The following ASIC2 variants were observed in gnomAD, a reference collection of about 807,000 sequenced individuals.
The protein encoded by ASIC2 is acid-sensing ion channel 2.
In ASIC2, 25 loss-of-function variants were observed where a neutral mutation model predicts 57.3. The ratio of observed to expected loss-of-function variants is 0.44; its 90% confidence interval spans 0.32 to 0.61. The LOEUF is 0.61. Ranked by LOEUF, ASIC2 falls within the 20% of genes least tolerant of loss-of-function variation. The pLI is 0.06. For missense variants in ASIC2, 641 were observed against 738.1 expected (o/e 0.87, Z 1.52); for synonymous variants, 319 against 307.5 (o/e 1.04, Z -0.39).
intron 1 of ASIC2, among the ~76,000 whole-genome samples, chr17:33,542,468 G>T (rs1597776000): frequency 2.4e-5 from 3 of 124,906 alleles, no homozygotes; most frequent in Admixed American, 1.7e-4. Flanking sequence ...TCTCATAGTG[G>T]TTTTGATTTG....
chr17:34,030,934 T>G (rs1026422396), intron 1 of ASIC2, among the ~76,000 whole-genome samples: 2 of 152,334 alleles, frequency 1.3e-5, no homozygotes, highest in South Asian at 4.1e-4. Context: ...CACCTCTGGG[T>G]GCAGGGCACA....
At chr17:33,342,905 C>T (rs1385903088) in intron 1 of ASIC2, among the ~76,000 whole-genome samples, 1 of 152,118 alleles carries the variant, frequency 6.6e-6, no homozygotes, top group Non-Finnish European at 1.5e-5. Flanking sequence ...GCAGGGCAGG[C>T]TCTAGGGACT....
At chr17:33,236,266 T>A (rs1440600739) in intron 1 of ASIC2, among the ~76,000 whole-genome samples, 3 of 152,124 alleles carry the variant, frequency 2.0e-5, no homozygotes, top group Non-Finnish European at 4.4e-5. Context: ...TGTAGTGAGT[T>A]CAATGGTGTC....
chr17:33,128,056 T>C (rs779672073), intron 1 of ASIC2, among the ~76,000 whole-genome samples: 3 of 152,220 alleles, frequency 2.0e-5, no homozygotes, highest in Non-Finnish European at 2.9e-5. Flanking sequence ...GCTCAGAACA[T>C]GTCCCTGCCT....
intron 1 of ASIC2, among the ~76,000 whole-genome samples, chr17:33,402,514 C>A (rs961715458): frequency 6.6e-6 from 1 of 152,144 alleles, no homozygotes; most frequent in Non-Finnish European, 1.5e-5. Flanking sequence ...GTTCAGCTTT[C>A]ACTTAAAGTG....
intron 1 of ASIC2, among the ~76,000 whole-genome samples, chr17:33,474,367 T>TC (rs1184548246): frequency 1.3e-5 from 2 of 151,344 alleles, no homozygotes; most frequent in Non-Finnish European, 2.9e-5. Context: ...ACTCCTTGCA[T>TC]CCCCCCGCCA....
chr17:33,228,362 G>A lies in ASIC2; in HGVS notation c.708+63046C>T, dbSNP rs145426914. On this transcript the variant is annotated intron_variant, in intron 1 of 9. Coordinates refer to ENST00000225823, the MANE Select transcript of ASIC2 (RefSeq NM_183377.2). Reference sequence around the variant, plus strand: ...TTATCACAATTGAAAAAAAAGAAGGGGGGTAAGAGGAGATGCAACTTTCAC... The same window carrying A: ...TTATCACAATTGAAAAAAAAGAAGGAGGGTAAGAGGAGATGCAACTTTCAC... 2.0e-5 allele frequency among the ~76,000 whole-genome samples: 3 copies of A among 152,326 alleles called. No individual in the cohort carries two copies. The East Asian group carries it at 5.8e-4, about 29-fold the overall frequency.
intron 1 of ASIC2, among the ~76,000 whole-genome samples, chr17:33,937,425 CTT>C (rs111454004): frequency 1.0e-4 from 15 of 147,694 alleles, no homozygotes; most frequent in East Asian, 3.9e-4. Flanking sequence ...AATCAGAGCT[CTT>C]TTTTTTTTTT....
At chr17:33,028,174 G>C in intron 4 of ASIC2, 68 bp downstream of exon 4, 1 of 1,558,328 alleles carries the variant, frequency 6.4e-7, no homozygotes. Context: ...TTCCCATTAG[G>C]ATGAGAAATG....
At chr17:33,631,381 A>G (rs187562509) in intron 1 of ASIC2, among the ~76,000 whole-genome samples, 112 of 143,928 alleles carry the variant, frequency 7.8e-4, no homozygotes, top group Non-Finnish European at 9.7e-4. Flanking sequence ...TCTCAGCTAT[A>G]CTAAGGAGAA....
intron 1 of ASIC2, among the ~76,000 whole-genome samples, chr17:33,812,875 G>C (rs1356520120): frequency 2.6e-5 from 4 of 152,178 alleles, no homozygotes; most frequent in Non-Finnish European, 5.9e-5. Flanking sequence ...CTGGGTGTGG[G>C]TCTTCTTGGC....
chr17:33,719,746 G>C (rs1260256474), intron 1 of ASIC2, among the ~76,000 whole-genome samples: 4 of 152,206 alleles, frequency 2.6e-5, no homozygotes, highest in Non-Finnish European at 5.9e-5. Flanking sequence ...CTTCTCAAAT[G>C]AGCTGGCGGT....
At chr17:33,380,040 G>A (rs1010118024) in intron 1 of ASIC2, among the ~76,000 whole-genome samples, 1 of 152,022 alleles carries the variant, frequency 6.6e-6, no homozygotes, top group African/African-American at 2.4e-5. Flanking sequence ...GAAGTCAGGA[G>A]TTGGAGGCCA....
chr17:33,586,944 C>T (rs1370005282), intron 1 of ASIC2, among the ~76,000 whole-genome samples: 3 of 152,198 alleles, frequency 2.0e-5, no homozygotes, highest in Non-Finnish European at 4.4e-5. Context: ...AACTGAGCCA[C>T]ACCTAGCATC....
At chr17:33,361,066 T>C (rs1908584675) in intron 1 of ASIC2, among the ~76,000 whole-genome samples, 1 of 152,230 alleles carries the variant, frequency 6.6e-6, no homozygotes. Context: ...GGAACCCTTG[T>C]TGGTCTTCAG....
chr17:33,402,798 T>C (rs1412515935), intron 1 of ASIC2, among the ~76,000 whole-genome samples: 1 of 152,248 alleles, frequency 6.6e-6, no homozygotes, highest in Non-Finnish European at 1.5e-5. Flanking sequence ...TTTGGGTATA[T>C]ACTCAGAAAT....
intron 1 of ASIC2, among the ~76,000 whole-genome samples, chr17:33,537,245 C>T (rs1392874366): frequency 6.6e-6 from 1 of 152,110 alleles, no homozygotes; most frequent in African/African-American, 2.4e-5. Flanking sequence ...GTTCTGGTGT[C>T]AGGGTCTCTG....
At position 33,974,642 on chromosome 17, in the gene ASIC2, A is replaced by ATCCG. The variant is rs1343478818; in HGVS notation, c.555+181335_555+181336insCGGA. ...CATCCATCCATCCATCCATCCATCC[A>ATCCG]TCCATAGAGCCCTGCCACAAAGACA... On this transcript the variant is annotated intron_variant, in intron 1 of 9. Transcript: ENST00000359872. Among the ~76,000 whole-genome samples, 17 of 151,262 alleles carry ATCCG rather than the reference A, an allele frequency of 1.1e-4. No individual in the cohort carries two copies. The South Asian group carries it at 3.2e-3, about 28-fold the overall frequency.
intron 1 of ASIC2, among the ~76,000 whole-genome samples, chr17:33,896,256 G>T (rs1391399961): frequency 6.6e-6 from 1 of 152,232 alleles, no homozygotes; most frequent in East Asian, 1.9e-4. Flanking sequence ...TTCTTGGTTA[G>T]AATGTTCCTT....
Sources: allele counts gnomAD v4.1 joint callset (sites outside exome capture counted in the v4.1 genomes callset), GRCh38; gene constraint gnomAD v4.1.1; transcripts MANE v1.5; gene names NCBI Gene and HGNC (gene_info 2026-07-23, HGNC 2026-07-21).